SORCS1: variants seen among roughly 807,000 people sequenced by gnomAD.
The protein encoded by SORCS1 is sortilin related VPS10 domain containing receptor 1.
In SORCS1, 60 loss-of-function variants were observed where a neutral mutation model predicts 146.1. The observed-to-expected ratio is 0.41, with a 90% CI of 0.33 to 0.51. The LOEUF is 0.51. Among genes scored for constraint, SORCS1 ranks in the 20% least tolerant of loss-of-function variants. The pLI, the probability that SORCS1 is intolerant of heterozygous loss-of-function variation, is 0.21. For synonymous variants in SORCS1, 637 were observed against 584.0 expected, an observed-to-expected ratio of 1.09 and a Z score of -1.31; for missense variants, 1,352 against 1,487.6, an observed-to-expected ratio of 0.91 and a Z score of 1.50.
intron 13 of SORCS1, 71 bp downstream of exon 13, chr10:106,677,242 C>T: frequency 7.2e-7 from 1 of 1,384,414 alleles, no homozygotes; most frequent in South Asian, 1.2e-5. Context: ...GTTTGATAGC[C>T]TGACTCCTAG....
At chr10:106,852,629 A>G (rs1401559844) in intron 2 of SORCS1, among the ~76,000 whole-genome samples, 1 of 126,976 alleles carries the variant, frequency 7.9e-6, no homozygotes, top group Non-Finnish European at 1.5e-5. Flanking sequence ...CCCTGTCTCA[A>G]AAAAAAAAAA....
intron 1 of SORCS1, among the ~76,000 whole-genome samples, chr10:107,080,813 TG>T (rs934864513): frequency 6.6e-6 from 1 of 152,246 alleles, no homozygotes; most frequent in Non-Finnish European, 1.5e-5. Context: ...TGTTGTCAAC[TG>T]ATCTCAATAA....
chr10:106,878,406 C>A (rs980372235), intron 2 of SORCS1, among the ~76,000 whole-genome samples: 2 of 151,322 alleles, frequency 1.3e-5, no homozygotes, highest in Admixed American at 6.6e-5. Flanking sequence ...GAGCTGGAGA[C>A]CTTGGGGCGG....
chr10:106,759,631 A>G (rs1314530465), intron 5 of SORCS1, among the ~76,000 whole-genome samples: 1 of 152,062 alleles, frequency 6.6e-6, no homozygotes, highest in African/African-American at 2.4e-5. Context: ...CTTGTTTTCA[A>G]TTTTACCCAC....
intron 1 of SORCS1, among the ~76,000 whole-genome samples, chr10:107,159,709 C>A (rs1177280107): frequency 6.6e-6 from 1 of 152,162 alleles, no homozygotes; most frequent in Admixed American, 6.5e-5. Context: ...TGATTTCAAA[C>A]CCATTGCCTT....
At chr10:107,057,955 A>G (rs540368101) in intron 1 of SORCS1, among the ~76,000 whole-genome samples, 1 of 152,304 alleles carries the variant, frequency 6.6e-6, no homozygotes, top group African/African-American at 2.4e-5. Context: ...AGAAACTGGG[A>G]CTACAGGCAT....
chr10:107,023,091 T>C (rs920031175), intron 1 of SORCS1, among the ~76,000 whole-genome samples: 1 of 152,214 alleles, frequency 6.6e-6, no homozygotes, highest in African/African-American at 2.4e-5. Flanking sequence ...TAACAACTAC[T>C]TGCAGTGCTA....
chr10:106,835,501 GA>G (rs1429942007), intron 2 of SORCS1, among the ~76,000 whole-genome samples: 1 of 152,146 alleles, frequency 6.6e-6, no homozygotes, highest in Non-Finnish European at 1.5e-5. Flanking sequence ...TTGCTTAGAA[GA>G]AAAGATATTC....
intron 5 of SORCS1, among the ~76,000 whole-genome samples, chr10:106,732,046 CAAAG>C (rs1013171634): frequency 6.6e-6 from 1 of 152,162 alleles, no homozygotes; most frequent in African/African-American, 2.4e-5. Context: ...TTTTCCAACT[CAAAG>C]AAGCTGAGTG....
chr10:107,017,805 C>G (rs1441330062), intron 1 of SORCS1, among the ~76,000 whole-genome samples: 2 of 152,128 alleles, frequency 1.3e-5, no homozygotes, highest in African/African-American at 4.8e-5. Context: ...TGCGTGCCAC[C>G]ACGCCCGGCT....
At chr10:107,010,292 A>G (rs1957642533) in intron 1 of SORCS1, among the ~76,000 whole-genome samples, 2 of 152,354 alleles carry the variant, frequency 1.3e-5, no homozygotes, top group Middle Eastern at 3.4e-3. Context: ...TCCCTGCTAA[A>G]TAAGTTTGAA....
At chr10:107,155,603 C>T (rs1969214108) in intron 1 of SORCS1, among the ~76,000 whole-genome samples, 1 of 152,152 alleles carries the variant, frequency 6.6e-6, no homozygotes, top group Non-Finnish European at 1.5e-5. Context: ...GCCTTTTTCC[C>T]TTTAATGATT....
chr10:106,955,537 A>G (rs1318806652), intron 2 of SORCS1, among the ~76,000 whole-genome samples: 1 of 152,204 alleles, frequency 6.6e-6, no homozygotes, highest in Non-Finnish European at 1.5e-5. Context: ...CTGGCTGGCG[A>G]AGAGGCACTG....
At chr10:107,087,484 A>C (rs1963850247) in intron 1 of SORCS1, among the ~76,000 whole-genome samples, 1 of 152,240 alleles carries the variant, frequency 6.6e-6, no homozygotes, top group Admixed American at 6.5e-5. Context: ...CAGTAATATT[A>C]GACAGTTTTA....
chr10:107,099,888 T>G (rs1213774608), intron 1 of SORCS1, among the ~76,000 whole-genome samples: 5 of 152,256 alleles, frequency 3.3e-5, no homozygotes, highest in Admixed American at 3.3e-4. Flanking sequence ...TCACTGATCT[T>G]AAAACCTGGA....
chr10:106,984,225 A>T (rs1309705998), intron 1 of SORCS1, among the ~76,000 whole-genome samples: 1 of 152,166 alleles, frequency 6.6e-6, no homozygotes, highest in Non-Finnish European at 1.5e-5. Context: ...ATAGCATGGC[A>T]TCTTATGGGT....
intron 2 of SORCS1, among the ~76,000 whole-genome samples, chr10:106,917,154 C>G (rs749745398): frequency 6.6e-6 from 1 of 152,188 alleles, no homozygotes; most frequent in Non-Finnish European, 1.5e-5. Flanking sequence ...TCTAACAAAA[C>G]TCCTGTATAA....
chr10:107,102,213 C>T (rs972074251), intron 1 of SORCS1, among the ~76,000 whole-genome samples: 14 of 151,974 alleles, frequency 9.2e-5, no homozygotes, highest in Non-Finnish European at 1.3e-4. Context: ...ATTATCGAGC[C>T]TTCATTATTT....
intron 5 of SORCS1, among the ~76,000 whole-genome samples, chr10:106,737,681 T>C (rs1857054733): frequency 6.6e-6 from 1 of 151,988 alleles, no homozygotes; most frequent in Admixed American, 6.6e-5. Context: ...GCCGAAATCA[T>C]GCCACTGCAC....
Sources: gnomAD v4.1 joint callset for allele counts (sites outside exome capture counted in the v4.1 genomes callset) on GRCh38, gnomAD v4.1.1 for gene constraint, MANE v1.5 for transcripts, NCBI Gene and HGNC (gene_info 2026-07-23, HGNC 2026-07-21) for gene names.